PAXIP1: variants seen among roughly 807,000 people sequenced by gnomAD.
PAXIP1 encodes PAX interacting protein 1.
A neutral mutation model predicts 140.6 loss-of-function variants in PAXIP1; 19 were observed. That is an observed-to-expected ratio of 0.14 (90% confidence interval 0.09 to 0.20). The LOEUF (loss-of-function observed/expected upper bound fraction) is 0.20. PAXIP1 is among the 10% of genes least tolerant of loss of function. The pLI is 1.00. For missense variants in PAXIP1, 920 were observed against 1,208.6 expected (o/e 0.76, Z 3.54); for synonymous variants, 442 against 444.6 (o/e 0.99, Z 0.07).
In PAXIP1 at chr7:154,993,818, C is replaced by G. The variant is rs183734538; in HGVS notation, c.217-49G>C. The G allele has an allele frequency of 7.7e-5, 108 of 1,403,702 alleles. No homozygotes were observed. In the African/African-American group the frequency reaches 1.5e-3, roughly 19 times the overall value. The allele number at this position is 1,403,702 out of a possible 1,614,324, so 87.0% of individuals were successfully genotyped here. On this transcript the variant is annotated intron_variant, in intron 2 of 20. Transcript: ENST00000404141. ...AAAAGTATTCTCAATTTACAAGTGG[C>G]ATATTATTTTACTAGTGTTGTTCTT...
chr7:154,964,636 T>C (rs1808920578), intron 8 of PAXIP1: 1 of 152,216 alleles, frequency 6.6e-6, no homozygotes. Flanking sequence ...TAACACTTTA[T>C]ATTAGTTCCT....
In PAXIP1 at chr7:154,986,626, T is replaced by C. The variant is rs1810089653; in HGVS notation, c.325-3294A>G. Among the ~76,000 whole-genome samples, 1 of 152,192 alleles carries C rather than the reference T, an allele frequency of 6.6e-6. No homozygotes were observed. ...AACATTTTTTAGCAACCACAAAATA[T>C]TAGTGCTCCCAATGCACTTTTCTTA... On this transcript the variant is annotated intron_variant, in intron 4 of 20. Coordinates refer to ENST00000404141, the MANE Select transcript of PAXIP1 (RefSeq NM_007349.4). The surrounding 1 kb of genome is among the most constrained non-coding windows in gnomAD (Gnocchi z 4.8).
rs371741588 is a variant in PAXIP1, at chr7:154,998,692, C to T, written c.174G>A (p.Glu58=). 351 of 1,613,640 alleles carry T rather than the reference C, an allele frequency of 2.2e-4. 7 individuals are homozygous for T. The South Asian group carries it at 3.7e-3, about 17-fold the overall frequency. The part of the protein sequence containing the change: ...HIISEDGDNP[E]VGEAREVFDL... The stretch of plus-strand genomic sequence containing the variant: ...CAAAGACTTCCCGAGCTTCTCCCAC[C>T]TCTGGATTGTCCCCATCCTCTGAGA... The change falls in exon 2 of 21, where the codon GAG becomes GAA. Residue 58 remains glutamate (E), a synonymous_variant. Coordinates refer to ENST00000404141, the MANE Select transcript of PAXIP1 (RefSeq NM_007349.4).
At position 154,961,038 on chromosome 7, in the gene PAXIP1, C is replaced by T. The variant is rs1450665747; in HGVS notation, c.2289G>A (p.Arg763=). The change falls in exon 12 of 21, where the codon AGG becomes AGA. Residue 763 remains arginine, a synonymous_variant. Coordinates refer to ENST00000404141, the MANE Select transcript of PAXIP1 (RefSeq NM_007349.4). ...GCCACTGGGCGTTGACACAGGGTAT[C>T]CTCCACTCTTTGGCTTTTTCATACT... ...GLKYEKAKEW[R]IPCVNAQWLG... The T allele has an allele frequency of 6.3e-7, 1 of 1,595,666 alleles. No homozygotes were observed. The highest frequency in any genetic ancestry group is 1.3e-5 in the African/African-American group (1 of 74,466).
At chr7:155,002,584 G>A (rs1312186302) in intron 1 of PAXIP1, among the ~76,000 whole-genome samples, 2 of 151,786 alleles carry the variant, frequency 1.3e-5, no homozygotes, top group Non-Finnish European at 2.9e-5. Flanking sequence ...CGACCCCAGG[G>A]CCGCAGGCCG....
chr7:154,977,389 C>T lies in PAXIP1; in HGVS notation c.439-1058G>A, dbSNP rs115856672. On this transcript the variant is annotated intron_variant, in intron 5 of 20. Coordinates refer to ENST00000404141, the MANE Select transcript of PAXIP1 (RefSeq NM_007349.4). ...AAACTCCGTGTCCTGTTGCAGAGCC[C>T]CAAGGTGGCATTTGCAATTTCTGGG... 7.4e-3 allele frequency among the ~76,000 whole-genome samples: 1,130 copies of T among 152,210 alleles called. 18 individuals carry two copies. The highest frequency in any genetic ancestry group is 0.026 in the African/African-American group (1,065 of 41,526).
Position 154,954,179 on chromosome 7 carries a change from G to A in PAXIP1, c.2821+76C>T, listed in dbSNP as rs1195737920. On this transcript the variant is annotated intron_variant, in intron 16 of 20. Coordinates refer to ENST00000404141, the MANE Select transcript of PAXIP1 (RefSeq NM_007349.4). The surrounding 1 kb of genome is among the most constrained non-coding windows in gnomAD (Gnocchi z 5.1). ...AGTTTAAAAATTAAATATTTGTTGG[G>A]ATGAAAAGAGATGAATTCAAGAAAA... 5 of 965,918 alleles carry A rather than the reference G, an allele frequency of 5.2e-6. No homozygotes were observed. The highest frequency in any genetic ancestry group is 7.2e-6 in the Non-Finnish European group (5 of 691,878). 59.8% of individuals were successfully genotyped at this position (965,918 alleles called of 1,614,324 possible). A position where few individuals can be genotyped will look rare whatever the true frequency, so the allele number is the denominator to read the frequency against.
At position 154,968,434 on chromosome 7, in the gene PAXIP1, A is replaced by G. The variant is rs373576758; in HGVS notation, c.1767T>C (p.His589=). ...QQQPPPSPQQ[H]QLFGHDPAVE... ...CTGCTGGATCATGTCCAAAAAGCTG[A>G]TGCTGCTGAGGCGATGGTGGTGGCT... is the stretch of plus-strand genomic sequence containing the variant. Residue 589 remains histidine, a synonymous_variant, in exon 7 of 21, where the codon CAT becomes CAC. Coordinates refer to ENST00000404141, the MANE Select transcript of PAXIP1 (RefSeq NM_007349.4). 53 of 1,546,554 alleles carry G rather than the reference A, an allele frequency of 3.4e-5. No individual in the cohort carries two copies. Among genetic ancestry groups the G allele is most frequent in the Non-Finnish European group, 4.4e-5 (50 of 1,142,442 alleles).
chr7:154,980,769 A>G (rs1012408569), intron 5 of PAXIP1, among the ~76,000 whole-genome samples: 3 of 152,194 alleles, frequency 2.0e-5, no homozygotes, highest in African/African-American at 7.2e-5. Context: ...TGAGCATTAA[A>G]AAATCCTGGA....
chr7:154,954,193 A>T lies in PAXIP1; in HGVS notation c.2821+62T>A. On this transcript the variant is annotated intron_variant, in intron 16 of 20. Transcript: ENST00000404141. The surrounding 1 kb of genome is among the most constrained non-coding windows in gnomAD (Gnocchi z 5.1). ...ATATTTGTTGGGATGAAAAGAGATG[A>T]ATTCAAGAAAAAAAAAAGTTTATTT... is the stretch of plus-strand genomic sequence containing the variant. 1.8e-6 allele frequency: 2 copies of T among 1,112,990 alleles called. No individual in the cohort carries two copies. Among genetic ancestry groups the T allele is most frequent in the Non-Finnish European group, 2.4e-6 (2 of 823,220 alleles). 68.9% of individuals were successfully genotyped at this position (1,112,990 alleles called of 1,614,324 possible). A position where few individuals can be genotyped will look rare whatever the true frequency, so the allele number is the denominator to read the frequency against.
intron 6 of PAXIP1, among the ~76,000 whole-genome samples, chr7:154,969,602 A>C (rs933421704): frequency 1.3e-5 from 2 of 152,196 alleles, no homozygotes; most frequent in African/African-American, 4.8e-5. Flanking sequence ...GCTCAGCCTC[A>C]CCTCAAACCT....
intron 16 of PAXIP1, chr7:154,948,313 G>A (rs1472573198): frequency 7.1e-6 from 2 of 283,670 alleles, no homozygotes; most frequent in South Asian, 4.5e-5. Flanking sequence ...TGGGAAGCCG[G>A]GGAAGGAAAG....
At chr7:154,969,313 CGTAAA>C (rs544310283) in intron 6 of PAXIP1, among the ~76,000 whole-genome samples, 187 bp from the exon 7 acceptor site, 101 of 152,280 alleles carry the variant, frequency 6.6e-4, no homozygotes, top group African/African-American at 2.1e-3. Context: ...ACGCCAATAT[CGTAAA>C]GTAAATTCAT....
At position 154,960,971 on chromosome 7, in the gene PAXIP1, T is replaced by C. The variant is rs370260528; in HGVS notation, c.2356A>G (p.Ile786Val). The C allele has an allele frequency of 6.6e-4, 1,065 of 1,604,382 alleles. 15 individuals are homozygous for C. The South Asian group carries it at 0.011, about 17-fold the overall frequency. ...LLGNFEALRQ[I>V]QYSRYTAFSL... ...AATGCCGTGTAGCGACTATACTGAA[T>C]CTGCCTCAGTGCCTCAAAGTTTCCC... Residue 786 changes from isoleucine (I) to valine (V), a missense_variant, in exon 12 of 21, where the codon ATT becomes GTT. Around this residue, in one of 5 missense-constraint regions of PAXIP1, gnomAD observed 303 missense variants for 517.9 expected, o/e 0.59. Transcript: ENST00000404141.
At chr7:154,995,328 C>G (rs141273103) in intron 2 of PAXIP1, among the ~76,000 whole-genome samples, 1 of 152,186 alleles carries the variant, frequency 6.6e-6, no homozygotes, top group African/African-American at 2.4e-5. Flanking sequence ...ACAGCATACA[C>G]GCTGAATATC....
chr7:154,968,044 C>T (rs1420125381), intron 7 of PAXIP1, 134 bp from the exon 8 acceptor site: 2 of 622,194 alleles, frequency 3.2e-6, no homozygotes, highest in African/African-American at 1.8e-5. Context: ...TGCCAGTAAT[C>T]AGAGTGCATA....
chr7:154,979,708 A>G (rs74598946), intron 5 of PAXIP1, among the ~76,000 whole-genome samples: 8,441 of 151,734 alleles, frequency 0.056, 572 homozygotes, highest in East Asian at 0.17. Flanking sequence ...GGTTTTATAA[A>G]TAGACTATGC....
chr7:154,953,585 A>G (rs187227550), intron 16 of PAXIP1, among the ~76,000 whole-genome samples: 5 of 152,162 alleles, frequency 3.3e-5, no homozygotes, highest in Admixed American at 3.3e-4. Flanking sequence ...GGGGACACCA[A>G]CCCTGCAGAC....
chr7:154,958,611 T>C (rs1563365710), intron 13 of PAXIP1, among the ~76,000 whole-genome samples: 3 of 152,196 alleles, frequency 2.0e-5, no homozygotes, highest in Non-Finnish European at 2.9e-5. Flanking sequence ...TTTCCAAAGA[T>C]CGCATTTAAG....
Sources: gnomAD v4.1 joint callset for allele counts (sites outside exome capture counted in the v4.1 genomes callset) on GRCh38, gnomAD v4.1.1 for gene constraint, gnomAD v4.1.1 regional missense constraint, Gnocchi (gnomAD v3.1) non-coding constraint, MANE v1.5 for transcripts, NCBI Gene and HGNC (gene_info 2026-07-23, HGNC 2026-07-21) for gene names.